The following CDADC1 variants were observed in gnomAD, a reference collection of about 807,000 sequenced individuals.
CDADC1 encodes the protein cytidine and dCMP deaminase domain containing 1, also known as dCTP deaminase.
Under a neutral mutation model 54.9 loss-of-function variants are expected in CDADC1, and 39 were observed. That is an observed-to-expected ratio of 0.71 (90% confidence interval 0.55 to 0.93). CDADC1 has a LOEUF of 0.93. Ranked by LOEUF, CDADC1 falls within the 40% of genes least tolerant of loss-of-function variation. The pLI is 0.00. For synonymous variants in CDADC1, 186 were observed against 204.0 expected (o/e 0.91, Z 0.75); for missense variants, 518 against 618.8 (o/e 0.84, Z 1.73).
chr13:49,274,626 G>A (rs879321516), intron 6 of CDADC1, among the ~76,000 whole-genome samples: 16 of 152,018 alleles, frequency 1.1e-4, no homozygotes, highest in Non-Finnish European at 1.0e-4. Flanking sequence ...AGCAGAGATC[G>A]TGCCACTGCA....
chr13:49,248,858 G>A lies in CDADC1; in HGVS notation c.83-13G>A. The A allele has an allele frequency of 1.3e-6, 2 of 1,520,450 alleles. No homozygotes were observed. The highest frequency in any genetic ancestry group is 1.8e-6 in the Non-Finnish European group (2 of 1,094,896). The allele number at this position is 1,520,450 out of a possible 1,614,324, so 94.2% of individuals were successfully genotyped here. On this transcript the variant is annotated splice_polypyrimidine_tract_variant and intron_variant, in intron 1 of 9. Coordinates refer to ENST00000251108, the MANE Select transcript of CDADC1 (RefSeq NM_030911.4). Reference sequence around the variant, plus strand: ...AGTAACAAAGTTTAAAGTGTTTGTCGTCTCTTTTGTAGGTCAGATACCAAG... The same window carrying A: ...AGTAACAAAGTTTAAAGTGTTTGTCATCTCTTTTGTAGGTCAGATACCAAG...
At position 49,292,641 on chromosome 13, in the gene CDADC1, T is replaced by C; in HGVS notation, c.*884T>C. The stretch of plus-strand genomic sequence containing the variant: ...TAAAAACATTTGCCAACCTCAAGAA[T>C]AAATACTGAAAGTCTTGAAAGTATG... On this transcript the variant is annotated 3_prime_UTR_variant, in exon 10 of 10. Transcript: ENST00000251108. The C allele has an allele frequency of 8.4e-7, 1 of 1,186,190 alleles. No homozygotes were observed. Among genetic ancestry groups the C allele is most frequent in the Non-Finnish European group, 1.1e-6 (1 of 943,032 alleles). The allele number at this position is 1,186,190 out of a possible 1,614,324, so 73.5% of individuals were successfully genotyped here. A position where few individuals can be genotyped will look rare whatever the true frequency, so the allele number is the denominator to read the frequency against.
At chr13:49,258,734 C>T (rs1292942352) in intron 3 of CDADC1, among the ~76,000 whole-genome samples, 1 of 152,136 alleles carries the variant, frequency 6.6e-6, no homozygotes, top group Non-Finnish European at 1.5e-5. Context: ...TATAACTTAC[C>T]TATAGTAGGA....
chr13:49,285,142 G>A (rs1368507491), intron 8 of CDADC1, among the ~76,000 whole-genome samples: 1 of 151,058 alleles, frequency 6.6e-6, no homozygotes, highest in Non-Finnish European at 1.5e-5. Flanking sequence ...AGGTAATCTT[G>A]GTCATATTTT....
At chr13:49,259,191 GC>G (rs1309923791) in intron 3 of CDADC1, among the ~76,000 whole-genome samples, 154 bp from the exon 4 acceptor site, 1 of 152,166 alleles carries the variant, frequency 6.6e-6, no homozygotes, top group Non-Finnish European at 1.5e-5. Context: ...AGTTTCAGAA[GC>G]TTTTTGGATC....
chr13:49,279,222 A>G (rs960550917), intron 7 of CDADC1, among the ~76,000 whole-genome samples: 1 of 152,148 alleles, frequency 6.6e-6, no homozygotes, highest in Admixed American at 6.5e-5. Context: ...TTCTAATGCA[A>G]TAGGGGATAT....
rs573026928 is a variant in CDADC1 at position 49,265,329 on chromosome 13, C to A, written c.431-2161C>A. On this transcript the variant is annotated intron_variant, in intron 4 of 9. Transcript: ENST00000251108. Reference sequence around the variant, plus strand: ...GAATGGAATTTACAGAGTTTATAGGCCACTGAAGCCCATCCATGAAACCCT... The same window carrying A: ...GAATGGAATTTACAGAGTTTATAGGACACTGAAGCCCATCCATGAAACCCT... Among the ~76,000 whole-genome samples the A allele has an allele frequency of 4.2e-4, 64 of 152,280 alleles. 2 individuals carry two copies. Among genetic ancestry groups the A allele is most frequent in the South Asian group, 2.7e-3 (13 of 4,828 alleles).
rs1284269424 is a variant in CDADC1, at chr13:49,291,993, G to A, written c.*236G>A. ...TTATTTTATTACACGAAATGAGGGA[G>A]CAATAACTTCAACCAATGTAATCAC... On this transcript the variant is annotated 3_prime_UTR_variant, in exon 10 of 10. Coordinates refer to ENST00000251108, the MANE Select transcript of CDADC1 (RefSeq NM_030911.4). The A allele has an allele frequency of 9.6e-6, 12 of 1,248,640 alleles. No individual in the cohort carries two copies. Among genetic ancestry groups the A allele is most frequent in the Non-Finnish European group, 5.0e-6 (5 of 991,486 alleles). The allele number at this position is 1,248,640 out of a possible 1,614,324, so 77.3% of individuals were successfully genotyped here. A position where few individuals can be genotyped will look rare whatever the true frequency, so the allele number is the denominator to read the frequency against.
chr13:49,292,725 A>C lies in CDADC1; in HGVS notation c.*968A>C. 7.9e-7 allele frequency: 1 copy of C among 1,271,846 alleles called. No homozygotes were observed. Among genetic ancestry groups the C allele is most frequent in the Non-Finnish European group, 1.0e-6 (1 of 981,532 alleles). 78.8% of individuals were successfully genotyped at this position (1,271,846 alleles called of 1,614,324 possible). On this transcript the variant is annotated 3_prime_UTR_variant, in exon 10 of 10. Coordinates refer to ENST00000251108, the MANE Select transcript of CDADC1 (RefSeq NM_030911.4). ...TTTCTCACATTTTTATTTGCTGAGA[A>C]ACATTCAGAAAATTATTCCAAAAAT...
intron 8 of CDADC1, among the ~76,000 whole-genome samples, chr13:49,282,241 T>G (rs1593847784): frequency 6.9e-6 from 1 of 145,396 alleles, no homozygotes; most frequent in Non-Finnish European, 1.5e-5. Flanking sequence ...TGTGGGTTTT[T>G]TTTTTTTTTT....
Position 49,268,015 on chromosome 13 carries a change from C to T in CDADC1, c.956C>T (p.Ala319Val), listed in dbSNP as rs372150198. The change falls in exon 5 of 10, where the codon GCA (alanine) becomes GTA (valine). Residue 319 changes from alanine (A) to valine (V), a missense_variant. By Grantham distance (64) the Ala-to-Val change is moderately conservative (BLOSUM62 0). Transcript: ENST00000251108. Reference protein sequence around the residue: ...IHNQSLPQEIARHCMVQARLL... With the variant: ...IHNQSLPQEIVRHCMVQARLL... ...AATCAAAGTTTGCCACAGGAAATTGCAAGGCACTGCATGGTTCAGGCCAGG... is the reference window on the plus strand; with the variant it reads ...AATCAAAGTTTGCCACAGGAAATTGTAAGGCACTGCATGGTTCAGGCCAGG... The T allele has an allele frequency of 3.3e-5, 53 of 1,613,644 alleles. No homozygotes were observed. The East Asian group carries it at 4.5e-4, about 14-fold the overall frequency.
intron 4 of CDADC1, among the ~76,000 whole-genome samples, chr13:49,263,638 C>T (rs2138211953): frequency 1.3e-5 from 2 of 152,300 alleles, no homozygotes; most frequent in South Asian, 4.1e-4. Context: ...TTTTCAACCA[C>T]ATATCTATAT....
intron 4 of CDADC1, among the ~76,000 whole-genome samples, chr13:49,260,447 A>T (rs1952652060): frequency 6.6e-6 from 1 of 152,220 alleles, no homozygotes; most frequent in African/African-American, 2.4e-5. Context: ...GAATGAGTAG[A>T]GAGGGTGAAC....
chr13:49,254,537 G>A (rs960508346), intron 2 of CDADC1, among the ~76,000 whole-genome samples: 10 of 151,834 alleles, frequency 6.6e-5, no homozygotes, highest in Non-Finnish European at 1.0e-4. Flanking sequence ...CGAGTAGCTG[G>A]GACTACAGGT....
At chr13:49,271,029 C>CT (rs771369165) in intron 5 of CDADC1, among the ~76,000 whole-genome samples, 1 of 152,200 alleles carries the variant, frequency 6.6e-6, no homozygotes, top group Non-Finnish European at 1.5e-5. Flanking sequence ...TCCAAAACCT[C>CT]TAACAACAGA....
At chr13:49,256,899 G>C (rs543747233) in intron 3 of CDADC1, among the ~76,000 whole-genome samples, 6 of 152,332 alleles carry the variant, frequency 3.9e-5, no homozygotes, top group African/African-American at 1.4e-4. Context: ...CACCATTTAA[G>C]TCAATGTACT....
chr13:49,282,522 C>T (rs1431370627), intron 8 of CDADC1, among the ~76,000 whole-genome samples: 1 of 152,162 alleles, frequency 6.6e-6, no homozygotes. Flanking sequence ...GATACCAGCT[C>T]ACCCTTTATT....
At chr13:49,288,898 C>G (rs190502889) in intron 9 of CDADC1, among the ~76,000 whole-genome samples, 1 of 152,098 alleles carries the variant, frequency 6.6e-6, no homozygotes, top group East Asian at 1.9e-4. Flanking sequence ...GATAAGAAGG[C>G]ATTTTGCTAG....
At chr13:49,274,741 C>T (rs1013162560) in intron 6 of CDADC1, among the ~76,000 whole-genome samples, 1 of 152,118 alleles carries the variant, frequency 6.6e-6, no homozygotes, top group Non-Finnish European at 1.5e-5. Flanking sequence ...GCTCATCCCT[C>T]AACAGTTTTC....
Sources: allele counts gnomAD v4.1 joint callset (sites outside exome capture counted in the v4.1 genomes callset), GRCh38; gene constraint gnomAD v4.1.1; transcripts MANE v1.5; gene names NCBI Gene and HGNC (gene_info 2026-07-23, HGNC 2026-07-21).